TBC1D4: variants seen among roughly 807,000 people sequenced by gnomAD.
The protein encoded by TBC1D4 is TBC1 domain family member 4, also known as TBC (Tre-2, BUB2, CDC16) domain-containing protein.
A neutral mutation model predicts 142.5 loss-of-function variants in TBC1D4; 121 were observed. The ratio of observed to expected loss-of-function variants is 0.85; its 90% CI spans 0.73 to 0.99. TBC1D4 has a LOEUF of 0.99. Ranked by LOEUF, TBC1D4 falls within the 50% of genes least tolerant of loss-of-function variation. The pLI, the probability that TBC1D4 is intolerant of heterozygous loss-of-function variation, is 0.00. For missense variants in TBC1D4, 1,475 were observed against 1,606.6 expected, an observed-to-expected ratio of 0.92 and a Z score of 1.40; for synonymous variants, 630 against 628.2, an observed-to-expected ratio of 1.00 and a Z score of -0.04.
chr13:75,333,744 A>G (rs1318452581), intron 8 of TBC1D4, among the ~76,000 whole-genome samples: 1 of 152,216 alleles, frequency 6.6e-6, no homozygotes, highest in Non-Finnish European at 1.5e-5. Flanking sequence ...AATGGCTTTT[A>G]GGGCAAAAGG....
chr13:75,468,464 A>C (rs913505218), intron 1 of TBC1D4, among the ~76,000 whole-genome samples: 12 of 152,168 alleles, frequency 7.9e-5, no homozygotes, highest in Admixed American at 3.9e-4. Context: ...CTCAACTCAC[A>C]AAGGACAAGG....
intron 1 of TBC1D4, among the ~76,000 whole-genome samples, chr13:75,448,716 C>A (rs1887404760): frequency 6.6e-6 from 1 of 151,664 alleles, no homozygotes; most frequent in East Asian, 1.9e-4. Flanking sequence ...AAATCTAACT[C>A]CTAAAGCATG....
At chr13:75,409,840 A>T (rs1885530800) in intron 1 of TBC1D4, among the ~76,000 whole-genome samples, 1 of 152,212 alleles carries the variant, frequency 6.6e-6, no homozygotes, top group African/African-American at 2.4e-5. Flanking sequence ...GTCCCTTCTA[A>T]TCTTAGGATG....
chr13:75,334,371 G>A (rs1186450703), intron 8 of TBC1D4, among the ~76,000 whole-genome samples: 1 of 151,828 alleles, frequency 6.6e-6, no homozygotes, highest in Non-Finnish European at 1.5e-5. Flanking sequence ...ATGTTTCTCA[G>A]AATCTTGGTT....
chr13:75,346,168 T>A lies in TBC1D4; in HGVS notation c.1408+3002A>T, dbSNP rs185794442. On this transcript the variant is annotated intron_variant, in intron 5 of 20. Coordinates refer to ENST00000377636, the MANE Select transcript of TBC1D4 (RefSeq NM_014832.5). ...AAAAGTAGATCAAAGTTTTGTTTTTTTTATATACTAAGTTTTGGGATACAT... is the reference window on the plus strand; with the variant it reads ...AAAAGTAGATCAAAGTTTTGTTTTTATTATATACTAAGTTTTGGGATACAT... 2.2e-3 allele frequency among the ~76,000 whole-genome samples: 336 copies of A among 152,344 alleles called. 6 individuals are homozygous for A. Among genetic ancestry groups the A allele is most frequent in the Admixed American group, 0.02 (299 of 15,302 alleles).
At chr13:75,360,598 C>G (rs915447925) in intron 2 of TBC1D4, among the ~76,000 whole-genome samples, 8 of 150,450 alleles carry the variant, frequency 5.3e-5, no homozygotes, top group African/African-American at 2.0e-4. Flanking sequence ...ATATTCAATG[C>G]TACTTCTTGC....
intron 1 of TBC1D4, among the ~76,000 whole-genome samples, chr13:75,404,063 T>TATACACACAC (rs1555317240): frequency 2.0e-5 from 3 of 148,972 alleles, no homozygotes; most frequent in African/African-American, 7.6e-5. Flanking sequence ...TATATATACA[T>TATACACACAC]ACACACACAC....
At chr13:75,481,220 CGAT>C in intron 1 of TBC1D4, 47 bp downstream of exon 1, 52 of 1,558,400 alleles carry the variant, frequency 3.3e-5, no homozygotes, top group Middle Eastern at 2.0e-4. Context: ...CCCTGCTCCC[CGAT>C]CCCCCAAGGC....
chr13:75,368,234 G>C (rs1883031945), intron 1 of TBC1D4, among the ~76,000 whole-genome samples: 1 of 152,164 alleles, frequency 6.6e-6, no homozygotes, highest in South Asian at 2.1e-4. Context: ...GGAATCACCG[G>C]TCCCCACTGT....
rs564080844 is a variant in TBC1D4 at position 75,285,589 on chromosome 13, C to T, written c.*1203G>A. The T allele has an allele frequency of 1.3e-5, 2 of 152,620 alleles. No individual in the cohort carries two copies. The highest frequency in any genetic ancestry group is 1.5e-5 in the Non-Finnish European group (1 of 68,020). 9.5% of individuals were successfully genotyped at this position (152,620 alleles called of 1,614,324 possible). ...AGTGAAGAGTTGAAATGCAGAATTGCAGGTTTTAGTTGAGCTGGTAACACT... is the reference window on the plus strand; with the variant it reads ...AGTGAAGAGTTGAAATGCAGAATTGTAGGTTTTAGTTGAGCTGGTAACACT... On this transcript the variant is annotated 3_prime_UTR_variant, in exon 21 of 21. Transcript: ENST00000377636.
chr13:75,364,889 A>G (rs945675182), intron 1 of TBC1D4, among the ~76,000 whole-genome samples: 15 of 152,344 alleles, frequency 9.8e-5, no homozygotes, highest in African/African-American at 3.6e-4. Flanking sequence ...TTTACTGCAG[A>G]TATTTTATCT....
chr13:75,332,828 G>A (rs1239808648), intron 8 of TBC1D4, among the ~76,000 whole-genome samples: 1 of 152,174 alleles, frequency 6.6e-6, no homozygotes, highest in Admixed American at 6.5e-5. Context: ...CTATCATTAA[G>A]AGAAATAACT....
At chr13:75,353,232 T>C (rs886738781) in intron 4 of TBC1D4, among the ~76,000 whole-genome samples, 1 of 152,214 alleles carries the variant, frequency 6.6e-6, no homozygotes, top group Non-Finnish European at 1.5e-5. Context: ...AAACTCATTC[T>C]ACATGCATGA....
intron 16 of TBC1D4, 39 bp from the exon 17 acceptor site, chr13:75,299,613 C>G (rs374272513): frequency 1.4e-4 from 220 of 1,611,266 alleles, no homozygotes; most frequent in Non-Finnish European, 1.8e-4. Context: ...TTGAAATGTC[C>G]TCATGCCTTG....
chr13:75,376,397 A>G (rs1397637333), intron 1 of TBC1D4, among the ~76,000 whole-genome samples: 3 of 72,264 alleles, frequency 4.2e-5, no homozygotes, highest in Admixed American at 1.7e-4. Context: ...TTTTTTTTTG[A>G]GATGGAATCT....
At chr13:75,365,332 G>GT (rs72296888) in intron 1 of TBC1D4, among the ~76,000 whole-genome samples, 9,728 of 137,526 alleles carry the variant, frequency 0.071, 438 homozygotes, top group African/African-American at 0.13. Context: ...CAACAGCTCT[G>GT]TTTTTTTTTT....
At chr13:75,320,728 A>G (rs1431238706) in intron 11 of TBC1D4, among the ~76,000 whole-genome samples, 1 of 152,002 alleles carries the variant, frequency 6.6e-6, no homozygotes. Context: ...ATGTGCTTTT[A>G]AAAAAGTAAT....
intron 9 of TBC1D4, among the ~76,000 whole-genome samples, chr13:75,327,402 G>A (rs183779808): frequency 6.6e-6 from 1 of 151,960 alleles, no homozygotes; most frequent in East Asian, 1.9e-4. Context: ...AAAAATGAGG[G>A]GGGAAAATAA....
intron 18 of TBC1D4, among the ~76,000 whole-genome samples, chr13:75,293,679 A>AC (rs1300704348): frequency 3.9e-5 from 6 of 152,338 alleles, no homozygotes; most frequent in Admixed American, 1.3e-4. Flanking sequence ...GCGCATTTTC[A>AC]CTTTACTCTT....
Sources: allele counts gnomAD v4.1 joint callset (sites outside exome capture counted in the v4.1 genomes callset), GRCh38; gene constraint gnomAD v4.1.1; transcripts MANE v1.5; gene names NCBI Gene and HGNC (gene_info 2026-07-23, HGNC 2026-07-21).